KHDRBS2: variants seen among roughly 807,000 people sequenced by gnomAD.
KHDRBS2 encodes KH domain-containing, RNA-binding, signal transduction-associated protein 2.
A neutral mutation model predicts 44.3 loss-of-function variants in KHDRBS2; 26 were observed. That is an observed-to-expected ratio of 0.59 (90% CI 0.43 to 0.81). KHDRBS2 has a LOEUF of 0.81. Ranked by LOEUF, KHDRBS2 falls within the 40% of genes least tolerant of loss-of-function variation. The pLI is 0.00. For synonymous variants in KHDRBS2, 194 were observed against 151.1 expected (o/e 1.28, Z -2.08); for missense variants, 476 against 433.1 (o/e 1.10, Z -0.88).
the KHDRBS2 span, among the ~76,000 whole-genome samples, chr6:61,626,493 T>C: frequency 6.6e-6 from 1 of 152,232 alleles, no homozygotes; most frequent in Non-Finnish European, 1.5e-5. Flanking sequence ...CTCATTACTT[T>C]TGCATTTGTC....
At chr6:61,816,518 C>A in intron 6 of KHDRBS2, 1 of 351,012 alleles carries the variant, frequency 2.8e-6, no homozygotes, top group Non-Finnish European at 5.8e-6. Context: ...AAGATTCTAC[C>A]CTGTGTCTTA....
intron 4 of KHDRBS2, among the ~76,000 whole-genome samples, chr6:61,976,973 A>G (rs1446822826): frequency 6.6e-6 from 1 of 152,200 alleles, no homozygotes; most frequent in Non-Finnish European, 1.5e-5. Context: ...GAAGTTAAGA[A>G]TAATCAGAAC....
intron 2 of KHDRBS2, among the ~76,000 whole-genome samples, chr6:62,132,697 T>C (rs1228025857): frequency 6.6e-6 from 1 of 152,170 alleles, no homozygotes; most frequent in African/African-American, 2.4e-5. Flanking sequence ...TCCTGAAAGA[T>C]GCTTAGTAGA....
intron 2 of KHDRBS2, among the ~76,000 whole-genome samples, chr6:62,070,343 T>A (rs975901330): frequency 1.3e-5 from 2 of 152,088 alleles, no homozygotes; most frequent in Non-Finnish European, 2.9e-5. Context: ...TTCTTTTTTT[T>A]TTTCTTTTAT....
At chr6:61,722,613 C>T (rs1772830315) in intron 7 of KHDRBS2, among the ~76,000 whole-genome samples, 1 of 152,088 alleles carries the variant, frequency 6.6e-6, no homozygotes, top group Non-Finnish European at 1.5e-5. Context: ...TTTATTTTCA[C>T]AATTCAAAAT....
intron 2 of KHDRBS2, among the ~76,000 whole-genome samples, chr6:62,125,210 G>T (rs1808669001): frequency 6.6e-6 from 1 of 152,182 alleles, no homozygotes; most frequent in South Asian, 2.1e-4. Context: ...CTGTGTGCTT[G>T]CGAGAGGAAG....
the KHDRBS2 span, among the ~76,000 whole-genome samples, chr6:61,660,603 A>G: frequency 6.6e-6 from 1 of 151,796 alleles, no homozygotes; most frequent in Admixed American, 6.6e-5. Context: ...CTGATCAGCC[A>G]TACGTTTATT....
At chr6:61,878,495 G>A (rs1289444045) in intron 6 of KHDRBS2, among the ~76,000 whole-genome samples, 2 of 151,934 alleles carry the variant, frequency 1.3e-5, no homozygotes, top group Non-Finnish European at 2.9e-5. Flanking sequence ...TGACACTTTT[G>A]TTGGTTCCCC....
At chr6:61,672,295 G>A in the KHDRBS2 span, among the ~76,000 whole-genome samples, 35 of 151,924 alleles carry the variant, frequency 2.3e-4, no homozygotes, top group South Asian at 4.0e-3. Context: ...GAATAATGCC[G>A]CAATAAACAT....
chr6:61,788,801 T>TG (rs1184291036), intron 6 of KHDRBS2, among the ~76,000 whole-genome samples: 1 of 151,102 alleles, frequency 6.6e-6, no homozygotes, highest in Non-Finnish European at 1.5e-5. Context: ...GGAAGTAAAA[T>TG]GTTCATAGAT....
At chr6:62,136,074 A>C (rs1811458725) in intron 2 of KHDRBS2, among the ~76,000 whole-genome samples, 1 of 151,946 alleles carries the variant, frequency 6.6e-6, no homozygotes, top group Non-Finnish European at 1.5e-5. Flanking sequence ...AAAAAAAAGG[A>C]AAAGAAAGGT....
At chr6:62,006,616 A>C (rs1027136530) in intron 3 of KHDRBS2, among the ~76,000 whole-genome samples, 1 of 152,028 alleles carries the variant, frequency 6.6e-6, no homozygotes, top group Non-Finnish European at 1.5e-5. Context: ...AAGTATCTTC[A>C]ATTCTTCTAT....
the KHDRBS2 span, among the ~76,000 whole-genome samples, chr6:61,604,588 C>A: frequency 6.6e-6 from 1 of 152,200 alleles, no homozygotes; most frequent in Non-Finnish European, 1.5e-5. Flanking sequence ...CACTCATTTC[C>A]TTTCCATTGT....
intron 1 of KHDRBS2, among the ~76,000 whole-genome samples, chr6:62,181,295 T>C (rs1822232961): frequency 6.6e-6 from 1 of 151,956 alleles, no homozygotes; most frequent in Non-Finnish European, 1.5e-5. Flanking sequence ...AAACCATATA[T>C]CTGATAATAG....
chr6:62,282,820 C>T (rs1312078187), intron 1 of KHDRBS2, among the ~76,000 whole-genome samples: 1 of 152,070 alleles, frequency 6.6e-6, no homozygotes, highest in African/African-American at 2.4e-5. Flanking sequence ...TAGCCTGAGA[C>T]TTAATTAGAA....
At chr6:61,840,841 C>A (rs1310714396) in intron 6 of KHDRBS2, among the ~76,000 whole-genome samples, 1 of 152,124 alleles carries the variant, frequency 6.6e-6, no homozygotes, top group African/African-American at 2.4e-5. Context: ...CCAATTCTGT[C>A]TAAGCTCTCA....
chr6:61,767,074 T>G lies in KHDRBS2; in HGVS notation c.811-34310A>C, dbSNP rs546419679. On this transcript the variant is annotated intron_variant, in intron 6 of 8. Coordinates refer to ENST00000281156, the MANE Select transcript of KHDRBS2 (RefSeq NM_152688.4). The stretch of plus-strand genomic sequence containing the variant: ...GGGTGTTGAATTCTGTAGCTATTAT[T>G]GTTTTGGAGTCTATCACTCTCTTTA... 2.6e-5 allele frequency among the ~76,000 whole-genome samples: 4 copies of G among 152,236 alleles called. No homozygotes were observed. In the East Asian group the frequency reaches 7.7e-4, roughly 29 times the overall value.
the KHDRBS2 span, among the ~76,000 whole-genome samples, chr6:61,637,754 T>C: frequency 2.6e-5 from 4 of 152,116 alleles, no homozygotes; most frequent in African/African-American, 4.8e-5. Flanking sequence ...TATCTCATTG[T>C]GGTTTTGATT....
the KHDRBS2 span, among the ~76,000 whole-genome samples, chr6:61,549,978 C>CT: frequency 4.6e-5 from 7 of 152,112 alleles, no homozygotes; most frequent in South Asian, 1.5e-3. Flanking sequence ...AAAAACCATT[C>CT]TTTTTTAATG....
Sources: allele counts gnomAD v4.1 joint callset (sites outside exome capture counted in the v4.1 genomes callset), GRCh38; gene constraint gnomAD v4.1.1; transcripts MANE v1.5; gene names NCBI Gene and HGNC (gene_info 2026-07-23, HGNC 2026-07-21).